TMEM237: variants seen among roughly 807,000 people sequenced by gnomAD.
TMEM237 encodes the protein transmembrane protein 237.
In TMEM237, 51 loss-of-function variants were observed where a neutral mutation model predicts 59.1. The ratio of observed to expected loss-of-function variants is 0.86; its 90% CI spans 0.69 to 1.09. The LOEUF (loss-of-function observed/expected upper bound fraction) is 1.09. TMEM237 is among the 50% of genes least tolerant of loss of function. The pLI, the probability that TMEM237 is intolerant of heterozygous loss-of-function variation, is 0.00. For synonymous variants in TMEM237, 140 were observed against 166.1 expected (o/e 0.84, Z 1.21); for missense variants, 475 against 478.3 (o/e 0.99, Z 0.06).
intron 3 of TMEM237, 146 bp from the exon 4 acceptor site, chr2:201,639,191 G>A (rs1266469185): frequency 1.3e-5 from 9 of 699,718 alleles, no homozygotes; most frequent in Non-Finnish European, 1.9e-5. Context: ...AAGAAGGCAA[G>A]AAATTGAGAA....
chr2:201,629,963 T>C (rs776528984), intron 7 of TMEM237, 111 bp from the exon 8 acceptor site: 8 of 1,368,262 alleles, frequency 5.8e-6, no homozygotes, highest in African/African-American at 1.5e-5. Context: ...GAAATATTGC[T>C]GTTCTATCTG....
At chr2:201,642,725 C>A (rs771587885) in intron 1 of TMEM237, 53 of 1,533,018 alleles carry the variant, frequency 3.5e-5, no homozygotes, top group Middle Eastern at 1.7e-4. Context: ...CGTCATCGGG[C>A]CGCGCCGCCT....
chr2:201,628,149 C>G lies in TMEM237; in HGVS notation c.870G>C (p.Arg290Ser), dbSNP rs1238602357. ...CTACTGATATTTTAGCAAAGTCAAT[C>G]CTAGAAAATATAAAAGTTTCTTGTC... ...LALSTISAFDRIDFAKISVAI... is the reference protein window; with the variant it reads ...LALSTISAFDSIDFAKISVAI... Residue 290 changes from arginine (R) to serine (S), a missense_variant and splice_region_variant, in exon 10 of 13, where the codon AGG becomes AGC. By Grantham distance (110) the Arg-to-Ser change is moderately radical. Coordinates refer to ENST00000409883, the MANE Select transcript of TMEM237 (RefSeq NM_001044385.3). 1 of 1,596,192 alleles carries G rather than the reference C, an allele frequency of 6.3e-7. No individual in the cohort carries two copies. The highest frequency in any genetic ancestry group is 8.5e-7 in the Non-Finnish European group (1 of 1,170,632).
chr2:201,637,677 G>A (rs1301499907), intron 4 of TMEM237, among the ~76,000 whole-genome samples: 1 of 151,272 alleles, frequency 6.6e-6, no homozygotes, highest in African/African-American at 2.4e-5. Flanking sequence ...CCCAGGAGGT[G>A]GAGGTTGCAG....
At chr2:201,638,692 A>G in intron 4 of TMEM237, 1 of 373,888 alleles carries the variant, frequency 2.7e-6, no homozygotes, top group Non-Finnish European at 4.8e-6. Context: ...GCTTAAAACC[A>G]TGTATGTTGT....
chr2:201,632,130 A>AGTTT lies in TMEM237; in HGVS notation c.470_473dup (p.Thr159AsnfsTer16), dbSNP rs1957813141. 1 of 1,613,976 alleles carries AGTTT rather than the reference A, an allele frequency of 6.2e-7. No individual in the cohort carries two copies. Among genetic ancestry groups the AGTTT allele is most frequent in the Non-Finnish European group, 8.5e-7 (1 of 1,179,864 alleles). Reference sequence around the variant, plus strand: ...TGAATACAGACTGCTGTTCCACAGTAGTTTGCTCATCAGTGATTATGTCTT... The same window carrying AGTTT: ...TGAATACAGACTGCTGTTCCACAGTAGTTTGTTTGCTCATCAGTGATTATGTCTT... On this transcript the variant is annotated frameshift_variant, in exon 7 of 13. Coordinates refer to ENST00000409883, the MANE Select transcript of TMEM237 (RefSeq NM_001044385.3). LOFTEE classifies it high-confidence loss of function.
chr2:201,642,676 C>T (rs773784697), intron 1 of TMEM237: 1 of 1,605,052 alleles, frequency 6.2e-7, no homozygotes, highest in Non-Finnish European at 8.5e-7. Context: ...CACCTGGCGC[C>T]CCACCCCTCC....
At chr2:201,625,986 G>T in intron 12 of TMEM237, 40 bp downstream of exon 12, 2 of 1,541,020 alleles carry the variant, frequency 1.3e-6, no homozygotes, top group African/African-American at 2.8e-5. Flanking sequence ...CATTATAGAA[G>T]ATTTCAGGAT....
At chr2:201,627,096 A>G (rs1406800024) in intron 11 of TMEM237, among the ~76,000 whole-genome samples, 1 of 151,344 alleles carries the variant, frequency 6.6e-6, no homozygotes, top group African/African-American at 2.4e-5. Context: ...AAAAAAAACT[A>G]TAACTTGAAG....
rs1258542939 is a variant in TMEM237, at chr2:201,622,342, C to A, written c.*1913G>T. 3 of 152,228 alleles carry A rather than the reference C, an allele frequency of 2.0e-5. No homozygotes were observed. Among genetic ancestry groups the A allele is most frequent in the Non-Finnish European group, 4.4e-5 (3 of 68,056 alleles). 9.4% of individuals were successfully genotyped at this position (152,228 alleles called of 1,614,324 possible). A position where few individuals can be genotyped will look rare whatever the true frequency, so the allele number is the denominator to read the frequency against. ...CTTGCTATCTTACAGTTCTGTATGT[C>A]AAAAGTATGACATGGGCAGCACCAG... On this transcript the variant is annotated 3_prime_UTR_variant, in exon 13 of 13. Transcript: ENST00000409883.
chr2:201,626,309 TATA>T, intron 11 of TMEM237, 162 bp from the exon 12 acceptor site: 1 of 710,258 alleles, frequency 1.4e-6, no homozygotes, highest in East Asian at 2.9e-5. Context: ...ATACCACATA[TATA>T]ATGAGAACAA....
chr2:201,633,140 C>G (rs1203372493), intron 6 of TMEM237, among the ~76,000 whole-genome samples, 171 bp downstream of exon 6: 1 of 151,778 alleles, frequency 6.6e-6, no homozygotes, highest in Non-Finnish European at 1.5e-5. Flanking sequence ...GTTTACTCTT[C>G]TGAAATTTAT....
intron 12 of TMEM237, 64 bp downstream of exon 12, chr2:201,625,962 G>A: frequency 6.9e-7 from 1 of 1,457,624 alleles, no homozygotes. Flanking sequence ...CTATTAAAAG[G>A]AGGTTTATAA....
chr2:201,636,729 C>T lies in TMEM237; in HGVS notation c.274+19G>A. The T allele has an allele frequency of 1.3e-6, 2 of 1,559,534 alleles. No homozygotes were observed. The highest frequency in any genetic ancestry group is 1.7e-6 in the Non-Finnish European group (2 of 1,151,850). On this transcript the variant is annotated intron_variant, in intron 5 of 12. Transcript: ENST00000409883. ...AATCACAAGTGCTATCACAACTTAA[C>T]CTTGGTTTCTTCACATACCAAGAGG...
intron 7 of TMEM237, 55 bp from the exon 8 acceptor site, chr2:201,629,907 A>T (rs1957794533): frequency 3.8e-6 from 5 of 1,322,840 alleles, no homozygotes; most frequent in African/African-American, 1.5e-5. Context: ...CCTGGTAGCC[A>T]TTTTTTTTTT....
At chr2:201,631,964 T>C (rs1957811686) in intron 7 of TMEM237, 87 bp downstream of exon 7, 1 of 1,431,362 alleles carries the variant, frequency 7.0e-7, no homozygotes, top group East Asian at 2.3e-5. Flanking sequence ...TTTTGCTTAA[T>C]TCCTTAATTC....
chr2:201,633,987 G>A (rs1031064671), intron 5 of TMEM237, among the ~76,000 whole-genome samples: 1 of 152,182 alleles, frequency 6.6e-6, no homozygotes, highest in African/African-American at 2.4e-5. Context: ...CATAAGCCTA[G>A]CACATACCAA....
rs945892124 is a variant in TMEM237 at position 201,643,456 on chromosome 2, C to A, written c.-56G>T. ...AACCGCCGGCGGCCCGAGCCCAGCT[C>A]CCCGCGACGCAGCGGCCTCCGGGAC... On this transcript the variant is annotated 5_prime_UTR_variant, in exon 1 of 13. Transcript: ENST00000409883. The surrounding 1 kb of genome is among the most constrained non-coding windows in gnomAD (Gnocchi z 4.3). 14 of 1,400,350 alleles carry A rather than the reference C, an allele frequency of 1.0e-5. No individual in the cohort carries two copies. The highest frequency in any genetic ancestry group is 4.4e-4 in the Middle Eastern group (2 of 4,498). The allele number at this position is 1,400,350 out of a possible 1,614,324, so 86.7% of individuals were successfully genotyped here.
chr2:201,643,275 C>T lies in TMEM237; in HGVS notation c.42+84G>A. 2 of 993,830 alleles carry T rather than the reference C, an allele frequency of 2.0e-6. No individual in the cohort carries two copies. The highest frequency in any genetic ancestry group is 3.0e-6 in the Non-Finnish European group (2 of 655,890). The allele number at this position is 993,830 out of a possible 1,614,324, so 61.6% of individuals were successfully genotyped here. ...CTTAGTGATTCCCAGCTCGTTGGCG[C>T]CCCCCCACACACACCCACCCCCACT... On this transcript the variant is annotated intron_variant, in intron 1 of 12. Transcript: ENST00000409883. The surrounding 1 kb of genome is among the most constrained non-coding windows in gnomAD (Gnocchi z 4.3).
Sources: gnomAD v4.1 joint callset for allele counts (sites outside exome capture counted in the v4.1 genomes callset) on GRCh38, gnomAD v4.1.1 for gene constraint, Gnocchi (gnomAD v3.1) non-coding constraint, MANE v1.5 for transcripts, NCBI Gene and HGNC (gene_info 2026-07-23, HGNC 2026-07-21) for gene names.